The following CREB5 variants were observed in gnomAD, a reference collection of about 807,000 sequenced individuals.
CREB5 encodes cAMP responsive element binding protein 5.
A neutral mutation model predicts 57.1 loss-of-function variants in CREB5; 19 were observed. That is an observed-to-expected ratio of 0.33 (90% CI 0.23 to 0.49). The LOEUF (loss-of-function observed/expected upper bound fraction) is 0.49. CREB5 is among the 20% of genes least tolerant of loss of function. The pLI, the probability that CREB5 is intolerant of heterozygous loss-of-function variation, is 0.99. For missense variants in CREB5, 579 were observed against 671.6 expected (o/e 0.86, Z 1.52); for synonymous variants, 238 against 238.3 (o/e 1.00, Z 0.01).
intron 5 of CREB5, among the ~76,000 whole-genome samples, chr7:28,700,472 A>G (rs146525231): frequency 5.8e-4 from 89 of 152,346 alleles, no homozygotes; most frequent in Non-Finnish European, 1.3e-4. Context: ...CTCTCAGCAC[A>G]GTTCCCGAGA....
chr7:28,502,661 A>G (rs535855681), intron 3 of CREB5, among the ~76,000 whole-genome samples: 2 of 152,360 alleles, frequency 1.3e-5, no homozygotes, highest in East Asian at 3.9e-4. Context: ...TCTAGCCACT[A>G]TCAGTTTCAT....
intron 1 of CREB5, among the ~76,000 whole-genome samples, chr7:28,394,131 T>A (rs938829497): frequency 7.3e-6 from 1 of 136,116 alleles, no homozygotes; most frequent in South Asian, 2.3e-4. Flanking sequence ...GTTGTAAATG[T>A]ATATTGCAAA....
intron 5 of CREB5, among the ~76,000 whole-genome samples, chr7:28,717,210 C>T (rs1280478791): frequency 6.6e-6 from 1 of 150,980 alleles, no homozygotes; most frequent in African/African-American, 2.4e-5. Flanking sequence ...AGACGTGCGC[C>T]ACCACGCCCA....
chr7:28,355,788 A>G (rs1411830289), intron 1 of CREB5, among the ~76,000 whole-genome samples: 1 of 152,320 alleles, frequency 6.6e-6, no homozygotes, highest in Non-Finnish European at 1.5e-5. Flanking sequence ...AAAGTACAGG[A>G]ATAATTAACT....
At chr7:28,451,160 G>A (rs975245449) in intron 1 of CREB5, among the ~76,000 whole-genome samples, 2 of 152,154 alleles carry the variant, frequency 1.3e-5, no homozygotes, top group East Asian at 1.9e-4. Flanking sequence ...GGAAGTAGAA[G>A]TAAAATTATG....
chr7:28,798,236 C>T (rs1016614291), intron 7 of CREB5, among the ~76,000 whole-genome samples: 2 of 152,188 alleles, frequency 1.3e-5, no homozygotes, highest in African/African-American at 4.8e-5. Flanking sequence ...TTTAATAATT[C>T]GGCTCGGCTT....
At chr7:28,799,886 C>T (rs1211950527) in intron 7 of CREB5, among the ~76,000 whole-genome samples, 1 of 152,208 alleles carries the variant, frequency 6.6e-6, no homozygotes, top group East Asian at 1.9e-4. Flanking sequence ...AAATCATCCT[C>T]CCACATAAAT....
intron 4 of CREB5, among the ~76,000 whole-genome samples, chr7:28,541,163 A>C (rs1794195067): frequency 6.6e-6 from 1 of 152,248 alleles, no homozygotes; most frequent in Non-Finnish European, 1.5e-5. Context: ...AAACTCTTAG[A>C]AATGCTATTA....
At chr7:28,336,272 A>G (rs1336398938) in intron 1 of CREB5, among the ~76,000 whole-genome samples, 4 of 152,084 alleles carry the variant, frequency 2.6e-5, no homozygotes, top group Admixed American at 2.6e-4. Flanking sequence ...TAGGATTGAT[A>G]TTTAGACTTC....
chr7:28,791,193 G>C (rs1807688493), intron 7 of CREB5, among the ~76,000 whole-genome samples: 1 of 152,126 alleles, frequency 6.6e-6, no homozygotes, highest in Non-Finnish European at 1.5e-5. Flanking sequence ...TTTGAGTTTG[G>C]AATACTTTGA....
intron 4 of CREB5, among the ~76,000 whole-genome samples, chr7:28,560,931 T>TGCGCGTGCGCGC (rs1467935536): frequency 6.2e-5 from 3 of 48,532 alleles, no homozygotes; most frequent in African/African-American, 1.2e-4. Flanking sequence ...TGCGCGTGCG[T>TGCGCGTGCGCGC]GTGTGCGTGC....
At chr7:28,569,540 T>G (rs1051125580) in intron 4 of CREB5, among the ~76,000 whole-genome samples, 7 of 152,208 alleles carry the variant, frequency 4.6e-5, no homozygotes, top group Non-Finnish European at 1.0e-4. Context: ...TTAGGTCCTA[T>G]AAGTGACTCA....
rs192966872 is a variant in CREB5 at position 28,364,049 on chromosome 7, G to T, written c.-25+64608G>T. ...ACTGAAGTTTTAGTTAGTTGAAATG[G>T]ATAAGTAAACATTTACCTAATTGCT... is the stretch of plus-strand genomic sequence containing the variant. On this transcript the variant is annotated intron_variant, in intron 1 of 9. Coordinates refer to the CREB5 transcript ENST00000396299. 1.5e-3 allele frequency among the ~76,000 whole-genome samples: 231 copies of T among 152,242 alleles called. 1 individual carries two copies. Among genetic ancestry groups the T allele is most frequent in the Non-Finnish European group, 9.4e-4 (64 of 68,012 alleles).
chr7:28,695,691 A>G (rs970589343), intron 5 of CREB5, among the ~76,000 whole-genome samples: 1 of 152,052 alleles, frequency 6.6e-6, no homozygotes, highest in Admixed American at 6.5e-5. Flanking sequence ...CTCCCTCTCC[A>G]TGCCTGAGCC....
At chr7:28,522,510 C>T (rs1457597425) in intron 4 of CREB5, among the ~76,000 whole-genome samples, 1 of 151,414 alleles carries the variant, frequency 6.6e-6, no homozygotes, top group Admixed American at 6.6e-5. Context: ...ATCCTCTTGC[C>T]TCAGCCTCCC....
At chr7:28,585,706 C>A (rs141058255) in intron 5 of CREB5, among the ~76,000 whole-genome samples, 39 of 152,126 alleles carry the variant, frequency 2.6e-4, no homozygotes, top group Middle Eastern at 3.4e-3. Context: ...TCCAATAAAG[C>A]CCCACCACCA....
chr7:28,459,713 C>CTCTTGGGAAAACCA, intron 1 of CREB5, among the ~76,000 whole-genome samples: 1 of 152,284 alleles, frequency 6.6e-6, no homozygotes, highest in South Asian at 2.1e-4. Flanking sequence ...TAAGGGGGTG[C>CTCTTGGGAAAACCA]AGAGATTCCC....
At chr7:28,334,730 T>G (rs1329938462) in intron 1 of CREB5, among the ~76,000 whole-genome samples, 1 of 152,210 alleles carries the variant, frequency 6.6e-6, no homozygotes. Context: ...TTGTCCATGT[T>G]TGCTTTGGTT....
intron 5 of CREB5, among the ~76,000 whole-genome samples, chr7:28,713,553 T>G (rs1332837287): frequency 6.6e-6 from 1 of 152,252 alleles, no homozygotes; most frequent in Non-Finnish European, 1.5e-5. Context: ...TGGACCGGCT[T>G]GATTTCACTA....
Sources: allele counts gnomAD v4.1 joint callset (sites outside exome capture counted in the v4.1 genomes callset), GRCh38; gene constraint gnomAD v4.1.1; transcripts MANE v1.5; gene names NCBI Gene and HGNC (gene_info 2026-07-23, HGNC 2026-07-21).